The following VPS13A variants were observed in gnomAD, a reference collection of about 807,000 sequenced individuals.
VPS13A encodes vacuolar protein sorting 13 homolog A.
A neutral mutation model predicts 390.9 loss-of-function variants in VPS13A; 264 were observed. That is an observed-to-expected ratio of 0.68 (90% CI 0.61 to 0.75). VPS13A has a LOEUF of 0.75. Ranked by LOEUF, VPS13A falls within the 30% of genes least tolerant of loss-of-function variation. VPS13A has a pLI of 0.00. For missense variants in VPS13A, 3,409 were observed against 3,733.9 expected (o/e 0.91, Z 2.27); for synonymous variants, 1,231 against 1,227.1 (o/e 1.00, Z -0.07).
At chr9:77,284,092 G>A (rs559652061) in intron 31 of VPS13A, among the ~76,000 whole-genome samples, 3 of 151,536 alleles carry the variant, frequency 2.0e-5, no homozygotes, top group East Asian at 1.9e-4. Flanking sequence ...CACTAGTATC[G>A]TTGTTGTAAT....
At chr9:77,246,242 T>C (rs1194163303) in intron 19 of VPS13A, among the ~76,000 whole-genome samples, 5 of 152,220 alleles carry the variant, frequency 3.3e-5, no homozygotes, top group Non-Finnish European at 7.3e-5. Flanking sequence ...TTACTTTTAA[T>C]TTATTCATTT....
intron 23 of VPS13A, among the ~76,000 whole-genome samples, chr9:77,260,504 C>A (rs1380548917): frequency 6.6e-6 from 1 of 151,644 alleles, no homozygotes; most frequent in African/African-American, 2.4e-5. Context: ...TACAGGCGCC[C>A]GCCACCACGC....
At chr9:77,207,595 A>T (rs1825756321) in intron 5 of VPS13A, among the ~76,000 whole-genome samples, 1 of 151,802 alleles carries the variant, frequency 6.6e-6, no homozygotes, top group Admixed American at 6.6e-5. Context: ...CTTTTAGTTA[A>T]CCTCCCTGTT....
intron 22 of VPS13A, among the ~76,000 whole-genome samples, 156 bp downstream of exon 22, chr9:77,252,508 T>C (rs1439827480): frequency 6.6e-6 from 1 of 152,176 alleles, no homozygotes; most frequent in Non-Finnish European, 1.5e-5. Context: ...AAATTTACCA[T>C]TTTGATAATT....
At chr9:77,212,946 C>T (rs1393495608) in intron 7 of VPS13A, 23 bp from the exon 8 acceptor site, 1 of 1,612,818 alleles carries the variant, frequency 6.2e-7, no homozygotes, top group South Asian at 1.1e-5. Context: ...CTTTTTACTG[C>T]CATTGTTTTT....
At chr9:77,391,285 C>T (rs901273425) in intron 68 of VPS13A, among the ~76,000 whole-genome samples, 3 of 152,130 alleles carry the variant, frequency 2.0e-5, no homozygotes, top group African/African-American at 7.2e-5. Flanking sequence ...TACGTGCATG[C>T]TGTAACAATA....
At chr9:77,399,174 A>AAAAAAAT (rs1563990761) in intron 68 of VPS13A, among the ~76,000 whole-genome samples, 1 of 85,248 alleles carries the variant, frequency 1.2e-5, no homozygotes, top group Admixed American at 1.1e-4. Context: ...TAATAAAAAA[A>AAAAAAAT]AAAAAATAAA....
At chr9:77,283,964 CTTTTTTT>C (rs779066797) in intron 31 of VPS13A, among the ~76,000 whole-genome samples, 60 of 129,626 alleles carry the variant, frequency 4.6e-4, no homozygotes, top group African/African-American at 1.4e-3. Context: ...ACCTTTTTCA[CTTTTTTT>C]TTTTTTTTTT....
rs1338511711 is a variant in VPS13A, at chr9:77,332,987, GA to G, written c.6095+875del. On this transcript the variant is annotated intron_variant, in intron 46 of 71. Coordinates refer to ENST00000360280, the MANE Select transcript of VPS13A (RefSeq NM_033305.3). Reference sequence around the variant, plus strand: ...CATAGATCGACCTGCTAAACCTAAAGAGTGTTTTATTGCTTAGTTCAGACTT... The same window carrying G: ...CATAGATCGACCTGCTAAACCTAAAGGTGTTTTATTGCTTAGTTCAGACTT... Among the ~76,000 whole-genome samples, 11 of 152,250 alleles carry G rather than the reference GA, an allele frequency of 7.2e-5. 1 individual carries two copies. The highest frequency in any genetic ancestry group is 2.6e-4 in the African/African-American group (11 of 41,542).
intron 68 of VPS13A, among the ~76,000 whole-genome samples, chr9:77,384,128 A>G (rs1285794070): frequency 6.6e-6 from 1 of 151,722 alleles, no homozygotes; most frequent in Non-Finnish European, 1.5e-5. Flanking sequence ...GGTGCCTTAA[A>G]ATATTTGATA....
intron 10 of VPS13A, among the ~76,000 whole-genome samples, chr9:77,217,883 A>G (rs1281762807): frequency 1.3e-5 from 2 of 151,772 alleles, no homozygotes; most frequent in East Asian, 3.9e-4. Context: ...TTCTTTGTGA[A>G]GTATCCATAC....
chr9:77,204,862 C>G (rs1409345607), intron 3 of VPS13A, among the ~76,000 whole-genome samples: 1 of 152,142 alleles, frequency 6.6e-6, no homozygotes, highest in Non-Finnish European at 1.5e-5. Flanking sequence ...CTCCTGGGTT[C>G]AAGCGATCCA....
intron 19 of VPS13A, among the ~76,000 whole-genome samples, chr9:77,241,804 A>G (rs1166093542): frequency 6.6e-6 from 1 of 151,870 alleles, no homozygotes; most frequent in Non-Finnish European, 1.5e-5. Flanking sequence ...TGGGCTACAT[A>G]CCTCCTTGAG....
At chr9:77,226,974 GTA>G (rs897609030) in intron 15 of VPS13A, among the ~76,000 whole-genome samples, 38 of 152,144 alleles carry the variant, frequency 2.5e-4, no homozygotes, top group African/African-American at 8.9e-4. Context: ...AGAGACTTAG[GTA>G]TATGTTTTAG....
chr9:77,307,966 A>G lies in VPS13A; in HGVS notation c.3982A>G (p.Ile1328Val), dbSNP rs777901480. The G allele has an allele frequency of 6.9e-6, 11 of 1,594,168 alleles. No homozygotes were observed. Among genetic ancestry groups the G allele is most frequent in the Non-Finnish European group, 6.9e-6 (8 of 1,161,984 alleles). ...PMEFILSQED[I>V]TTIFKTLHGN... ...ACAGTTCATTCTTAGTCAAGAAGAT[A>G]TAACAACTATTTTTAAAACATTGCA... Residue 1328 changes from isoleucine to valine, a missense_variant, in exon 35 of 72, where the codon ATA becomes GTA. Physicochemically the swap from Ile to Val is conservative, Grantham distance 29. Transcript: ENST00000360280.
At chr9:77,322,970 G>GT in intron 44 of VPS13A, 97 bp from the exon 45 acceptor site, 2 of 1,004,870 alleles carry the variant, frequency 2.0e-6, no homozygotes, top group South Asian at 3.2e-5. Flanking sequence ...TTATTTATAA[G>GT]TTTAAGAATC....
intron 23 of VPS13A, among the ~76,000 whole-genome samples, chr9:77,263,054 T>C (rs1825845373): frequency 6.6e-6 from 1 of 152,154 alleles, no homozygotes; most frequent in Non-Finnish European, 1.5e-5. Flanking sequence ...CCACCAGCAG[T>C]GTAAAAGTGT....
At chr9:77,187,512 T>TG (rs1246946356) in intron 1 of VPS13A, among the ~76,000 whole-genome samples, 1 of 152,186 alleles carries the variant, frequency 6.6e-6, no homozygotes, top group Non-Finnish European at 1.5e-5. Flanking sequence ...ATTGACCATT[T>TG]GTATATCTTA....
chr9:77,328,910 A>G (rs993603582), intron 45 of VPS13A, among the ~76,000 whole-genome samples: 3 of 152,208 alleles, frequency 2.0e-5, no homozygotes, highest in African/African-American at 7.2e-5. Flanking sequence ...ATGGCTGGAG[A>G]GACCTCAGGA....
Sources: gnomAD v4.1 joint callset for allele counts (sites outside exome capture counted in the v4.1 genomes callset) on GRCh38, gnomAD v4.1.1 for gene constraint, MANE v1.5 for transcripts, NCBI Gene and HGNC (gene_info 2026-07-23, HGNC 2026-07-21) for gene names.